Variants in TGFBRAP1 observed in about 807,000 individuals in gnomAD.
The protein encoded by TGFBRAP1 is transforming growth factor beta receptor associated protein 1, also known as transforming growth factor-beta receptor-associated protein 1.
TGFBRAP1 carries 20 observed loss-of-function variants against 83.2 expected under a neutral mutation model. That is an observed-to-expected ratio of 0.24 (90% CI 0.17 to 0.35). The LOEUF is 0.35. Among genes scored for constraint, TGFBRAP1 ranks in the 10% least tolerant of loss-of-function variants. The pLI is 1.00. For missense variants in TGFBRAP1, 950 were observed against 1,099.4 expected (o/e 0.86, Z 1.92); for synonymous variants, 415 against 459.8 (o/e 0.90, Z 1.25).
At chr2:105,323,960 G>A (rs1319402867) in intron 1 of TGFBRAP1, among the ~76,000 whole-genome samples, 2 of 152,108 alleles carry the variant, frequency 1.3e-5, no homozygotes, top group Non-Finnish European at 2.9e-5. Flanking sequence ...CTGAGGGATG[G>A]TCTACAAAAT....
chr2:105,266,894 G>C lies in TGFBRAP1; in HGVS notation c.*489C>G, dbSNP rs1358776243. 1.3e-5 allele frequency: 2 copies of C among 154,110 alleles called. No homozygotes were observed. The highest frequency in any genetic ancestry group is 4.8e-5 in the African/African-American group (2 of 41,490). 9.5% of individuals were successfully genotyped at this position (154,110 alleles called of 1,614,324 possible). A position where few individuals can be genotyped will look rare whatever the true frequency, so the allele number is the denominator to read the frequency against. On this transcript the variant is annotated 3_prime_UTR_variant, in exon 12 of 12. Coordinates refer to ENST00000393359, the MANE Select transcript of TGFBRAP1 (RefSeq NM_004257.6). ...GTGGATGGAGAACGTGTTTCTGCAG[G>C]AGGGCAAGGCTGACCCCCATGAGGC... is the stretch of plus-strand genomic sequence containing the variant.
In TGFBRAP1 at chr2:105,279,229, C is replaced by T. The variant is rs138202078; in HGVS notation, c.1463+1153G>A. On this transcript the variant is annotated intron_variant, in intron 6 of 11. Coordinates refer to ENST00000393359, the MANE Select transcript of TGFBRAP1 (RefSeq NM_004257.6). ...ATTAACAGTCCATGATACATAAGGCCATCTACTAACTCATGCACATAAGGA... is the reference window on the plus strand; with the variant it reads ...ATTAACAGTCCATGATACATAAGGCTATCTACTAACTCATGCACATAAGGA... 4.2e-3 allele frequency among the ~76,000 whole-genome samples: 637 copies of T among 152,208 alleles called. 9 individuals carry two copies. Among genetic ancestry groups the T allele is most frequent in the African/African-American group, 0.015 (603 of 41,544 alleles).
chr2:105,277,707 C>G (rs998898108), intron 6 of TGFBRAP1, 36 bp from the exon 7 acceptor site: 1 of 1,606,910 alleles, frequency 6.2e-7, no homozygotes, highest in Non-Finnish European at 8.5e-7. Context: ...CAACCTCTCC[C>G]CATCAGCTCC....
In TGFBRAP1 at chr2:105,320,149, G is replaced by A. The variant is rs144248463; in HGVS notation, c.-18+9476C>T. ...CTTTAAGCTTGGCCTGGTGTCCTAC[G>A]TGTCTGCAAAAAACCCTCACATTTT... is the stretch of plus-strand genomic sequence containing the variant. On this transcript the variant is annotated intron_variant, in intron 1 of 11. Coordinates refer to ENST00000393359, the MANE Select transcript of TGFBRAP1 (RefSeq NM_004257.6). 4.9e-4 allele frequency among the ~76,000 whole-genome samples: 74 copies of A among 152,142 alleles called. No individual in the cohort carries two copies. The East Asian group carries it at 0.013, about 27-fold the overall frequency.
chr2:105,253,815 C>CA, the TGFBRAP1 span, among the ~76,000 whole-genome samples: 1 of 152,144 alleles, frequency 6.6e-6, no homozygotes, highest in Non-Finnish European at 1.5e-5. Flanking sequence ...AAACAAAAAC[C>CA]AAACAACCAG....
At chr2:105,256,939 G>A in the TGFBRAP1 span, among the ~76,000 whole-genome samples, 4 of 152,282 alleles carry the variant, frequency 2.6e-5, no homozygotes, top group African/African-American at 4.8e-5. Flanking sequence ...CTACACCCCC[G>A]CCAGTGCCAT....
rs555946474 is a variant in TGFBRAP1, at chr2:105,299,992, C to T, written c.689-1287G>A. 2.6e-5 allele frequency among the ~76,000 whole-genome samples: 4 copies of T among 152,280 alleles called. No individual in the cohort carries two copies. The South Asian group carries it at 8.3e-4, about 32-fold the overall frequency. Reference sequence around the variant, plus strand: ...GCTGCAGGAGTGCAACTGCTGTCAACAGGCACATGTAACAAATGTGTAAAT... The same window carrying T: ...GCTGCAGGAGTGCAACTGCTGTCAATAGGCACATGTAACAAATGTGTAAAT... On this transcript the variant is annotated intron_variant, in intron 2 of 11. Transcript: ENST00000393359.
intron 7 of TGFBRAP1, 131 bp from the exon 8 acceptor site, chr2:105,275,834 G>T: frequency 2.3e-6 from 2 of 888,796 alleles, no homozygotes; most frequent in South Asian, 7.5e-5. Context: ...AAAGTAGTTG[G>T]AAAAACTGTA....
the TGFBRAP1 span, among the ~76,000 whole-genome samples, chr2:105,257,773 C>T: frequency 6.6e-6 from 1 of 152,196 alleles, no homozygotes; most frequent in Non-Finnish European, 1.5e-5. Context: ...TAAAAGTCAT[C>T]TGCTTATTGC....
intron 1 of TGFBRAP1, among the ~76,000 whole-genome samples, chr2:105,313,949 C>G (rs567161104): frequency 1.3e-5 from 2 of 152,108 alleles, no homozygotes; most frequent in Non-Finnish European, 2.9e-5. Flanking sequence ...GACTCTCCCC[C>G]AATCATGCTG....
In TGFBRAP1 at chr2:105,269,215, C is replaced by G. The variant is rs1677056834; in HGVS notation, c.2406+57G>C. Reference sequence around the variant, plus strand: ...AAGACTATTTTTCCATCAGTAAAATCTACCTTCAGTACAATGTTGACTGAC... The same window carrying G: ...AAGACTATTTTTCCATCAGTAAAATGTACCTTCAGTACAATGTTGACTGAC... On this transcript the variant is annotated intron_variant, in intron 11 of 11. Coordinates refer to ENST00000393359, the MANE Select transcript of TGFBRAP1 (RefSeq NM_004257.6). This position sits in a 1 kb window ranked among gnomAD's most constrained non-coding sequence, Gnocchi z 4.1. 1 of 1,488,124 alleles carries G rather than the reference C, an allele frequency of 6.7e-7. No individual in the cohort carries two copies. The highest frequency in any genetic ancestry group is 2.4e-5 in the Admixed American group (1 of 41,248). The allele number at this position is 1,488,124 out of a possible 1,614,324, so 92.2% of individuals were successfully genotyped here. A position where few individuals can be genotyped will look rare whatever the true frequency, so the allele number is the denominator to read the frequency against.
the TGFBRAP1 span, among the ~76,000 whole-genome samples, chr2:105,258,515 C>G: frequency 1.3e-5 from 2 of 150,790 alleles, no homozygotes; most frequent in Non-Finnish European, 3.0e-5. Context: ...GCTGGGATAT[C>G]TCCTCTCATC....
chr2:105,272,678 C>T (rs1677197897), intron 10 of TGFBRAP1, among the ~76,000 whole-genome samples, 177 bp downstream of exon 10: 1 of 152,098 alleles, frequency 6.6e-6, no homozygotes, highest in South Asian at 2.1e-4. Context: ...TTGAGACCAG[C>T]CTGGGTGACA....
intron 1 of TGFBRAP1, among the ~76,000 whole-genome samples, chr2:105,325,348 T>C (rs1679195796): frequency 6.6e-6 from 1 of 152,192 alleles, no homozygotes; most frequent in Admixed American, 6.5e-5. Context: ...CTTTCGTTCT[T>C]ACCTTGACGC....
In TGFBRAP1 at chr2:105,296,454, C is replaced by T. The variant is rs752266174; in HGVS notation, c.940G>A (p.Glu314Lys). Reference protein sequence around the residue: ...GVYILVPLPLEKQIQDLLASR... With the variant: ...GVYILVPLPLKKQIQDLLASR... ...GCTAGAAGATCCTGTATTTGTTTTT[C>T]CAAAGGTAATGGAACCAAGATGTAA... Residue 314 changes from glutamate to lysine, a missense_variant, in exon 4 of 12, where the codon GAA becomes AAA. Coordinates refer to ENST00000393359, the MANE Select transcript of TGFBRAP1 (RefSeq NM_004257.6). 16 of 1,614,022 alleles carry T rather than the reference C, an allele frequency of 9.9e-6. No individual in the cohort carries two copies. Among genetic ancestry groups the T allele is most frequent in the Non-Finnish European group, 1.4e-5 (16 of 1,180,012 alleles).
chr2:105,298,459 T>C (rs898912084), intron 3 of TGFBRAP1, 52 bp downstream of exon 3: 5 of 1,516,112 alleles, frequency 3.3e-6, no homozygotes, highest in Non-Finnish European at 4.4e-6. Flanking sequence ...ACCGAAGAAA[T>C]ATCATAAAAG....
chr2:105,279,146 A>C (rs141562403), intron 6 of TGFBRAP1, among the ~76,000 whole-genome samples: 1,619 of 152,294 alleles, frequency 0.011, 11 homozygotes, highest in South Asian at 0.02. Context: ...TGGTTGGGCT[A>C]TGTGTTAGCT....
At chr2:105,293,031 G>A (rs982598487) in intron 4 of TGFBRAP1, among the ~76,000 whole-genome samples, 1 of 151,920 alleles carries the variant, frequency 6.6e-6, no homozygotes. Flanking sequence ...TTCACTGGAC[G>A]AGTTTGGAAA....
At chr2:105,328,433 C>T (rs1216959507) in intron 1 of TGFBRAP1, among the ~76,000 whole-genome samples, 1 of 152,210 alleles carries the variant, frequency 6.6e-6, no homozygotes, top group African/African-American at 2.4e-5. Flanking sequence ...GAAAAGGAAG[C>T]AGCTGACCAA....
Sources: gnomAD v4.1 joint callset for allele counts (sites outside exome capture counted in the v4.1 genomes callset) on GRCh38, gnomAD v4.1.1 for gene constraint, Gnocchi (gnomAD v3.1) non-coding constraint, MANE v1.5 for transcripts, NCBI Gene and HGNC (gene_info 2026-07-23, HGNC 2026-07-21) for gene names.